Variants in CCDC68 observed in about 807,000 individuals in gnomAD.
CCDC68 encodes coiled-coil domain-containing protein 68.
A neutral mutation model predicts 47.1 loss-of-function variants in CCDC68; 45 were observed. The observed-to-expected ratio is 0.96, with a 90% CI of 0.75 to 1.23. The LOEUF (loss-of-function observed/expected upper bound fraction) is 1.23, where lower values mean the gene tolerates loss of function less well. Ranked by LOEUF, CCDC68 falls within the 50% of genes most tolerant of loss-of-function variation. CCDC68 has a pLI of 0.00. For missense variants in CCDC68, 353 were observed against 373.6 expected (o/e 0.94, Z 0.45); for synonymous variants, 131 against 129.5 (o/e 1.01, Z -0.08).
intron 6 of CCDC68, 111 bp downstream of exon 6, chr18:54,936,722 G>A (rs993952061): frequency 7.5e-7 from 1 of 1,339,224 alleles, no homozygotes; most frequent in Non-Finnish European, 1.0e-6. Context: ...CAAGTCTTTT[G>A]CCAAGTCACT....
chr18:54,957,189 T>G (rs2145682068), intron 1 of CCDC68, among the ~76,000 whole-genome samples: 1 of 152,340 alleles, frequency 6.6e-6, no homozygotes, highest in African/African-American at 2.4e-5. Context: ...TTTCATAACA[T>G]TAAGCCTGGA....
chr18:54,948,903 T>C (rs1401963691), intron 1 of CCDC68, among the ~76,000 whole-genome samples: 1 of 152,216 alleles, frequency 6.6e-6, no homozygotes, highest in Non-Finnish European at 1.5e-5. Context: ...GTGCAAGCCA[T>C]GTGGCTCTCT....
intron 8 of CCDC68, among the ~76,000 whole-genome samples, chr18:54,920,935 G>T (rs956555522): frequency 9.2e-5 from 14 of 152,214 alleles, no homozygotes; most frequent in African/African-American, 3.1e-4. Context: ...CAAAGACATA[G>T]AAACAACCTA....
At chr18:54,915,748 G>A (rs1854120059) in intron 10 of CCDC68, among the ~76,000 whole-genome samples, 1 of 152,064 alleles carries the variant, frequency 6.6e-6, no homozygotes, top group South Asian at 2.1e-4. Context: ...GGCCAACATG[G>A]TGAAACCCCG....
chr18:54,928,066 T>A (rs1378815602), intron 8 of CCDC68, among the ~76,000 whole-genome samples: 1 of 152,256 alleles, frequency 6.6e-6, no homozygotes, highest in Admixed American at 6.5e-5. Context: ...GAAATCGATT[T>A]GACTTTGAAC....
chr18:54,926,615 G>A (rs946372036), intron 8 of CCDC68, among the ~76,000 whole-genome samples: 2 of 152,162 alleles, frequency 1.3e-5, no homozygotes, highest in Non-Finnish European at 2.9e-5. Context: ...ATATTTGTTC[G>A]TGATGTGGCA....
intron 10 of CCDC68, among the ~76,000 whole-genome samples, chr18:54,908,083 A>T (rs1295833059): frequency 6.6e-6 from 1 of 152,222 alleles, no homozygotes; most frequent in Non-Finnish European, 1.5e-5. Flanking sequence ...AAGGGACTAA[A>T]ATAGAGTATT....
intron 8 of CCDC68, among the ~76,000 whole-genome samples, chr18:54,927,680 A>G (rs2044168557): frequency 6.6e-6 from 1 of 152,266 alleles, no homozygotes; most frequent in Admixed American, 6.5e-5. Context: ...GTGTTATAAA[A>G]CTATCTTAGA....
At chr18:54,948,689 GT>G (rs780296972) in intron 1 of CCDC68, among the ~76,000 whole-genome samples, 5 of 152,202 alleles carry the variant, frequency 3.3e-5, no homozygotes, top group Non-Finnish European at 7.3e-5. Context: ...AAAGACCCTA[GT>G]TTCGTAGGAT....
At chr18:54,946,574 A>G (rs139654692) in intron 1 of CCDC68, among the ~76,000 whole-genome samples, 82 of 152,342 alleles carry the variant, frequency 5.4e-4, no homozygotes, top group African/African-American at 1.9e-3. Context: ...CTTTAGAATG[A>G]ATCCCACTGC....
chr18:54,913,424 A>T (rs763183544), intron 10 of CCDC68, among the ~76,000 whole-genome samples: 1 of 152,206 alleles, frequency 6.6e-6, no homozygotes, highest in Non-Finnish European at 1.5e-5. Context: ...TTAAATTTGC[A>T]GTGCAAGACA....
In CCDC68 at chr18:54,901,899, T is replaced by C. The variant is rs1294365512; in HGVS notation, c.*2459A>G. On this transcript the variant is annotated 3_prime_UTR_variant, in exon 12 of 12. Coordinates refer to ENST00000591504, the MANE Select transcript of CCDC68 (RefSeq NM_025214.3). ...TTTTCACTGAGAAGTGTTTTTTTTT[T>C]CATAAAAAAATATTTCAAATGATAA... 2.7e-5 allele frequency: 4 copies of C among 150,890 alleles called. No individual in the cohort carries two copies. Among genetic ancestry groups the C allele is most frequent in the East Asian group, 2.0e-4 (1 of 5,112 alleles). 9.3% of individuals were successfully genotyped at this position (150,890 alleles called of 1,614,324 possible). A position where few individuals can be genotyped will look rare whatever the true frequency, so the allele number is the denominator to read the frequency against.
chr18:54,925,178 C>T (rs1323463778), intron 8 of CCDC68, among the ~76,000 whole-genome samples: 2 of 152,128 alleles, frequency 1.3e-5, no homozygotes, highest in Non-Finnish European at 2.9e-5. Context: ...GAAACTGAGT[C>T]AGTGATCCCC....
chr18:54,954,799 A>G (rs1436783029), intron 1 of CCDC68: 1 of 152,172 alleles, frequency 6.6e-6, no homozygotes, highest in African/African-American at 2.4e-5. Flanking sequence ...ACAAAGGTGT[A>G]TTACCAAACA....
rs184856799 is a variant in CCDC68, at chr18:54,906,777, T to C, written c.950+1009A>G. On this transcript the variant is annotated intron_variant, in intron 11 of 11. Transcript: ENST00000591504. Reference sequence around the variant, plus strand: ...CTGAGGCTTCATTTCTTTTATTTTCTAGAAGTTGCAGGGCTAGTGGCCAAA... The same window carrying C: ...CTGAGGCTTCATTTCTTTTATTTTCCAGAAGTTGCAGGGCTAGTGGCCAAA... Among the ~76,000 whole-genome samples the C allele has an allele frequency of 3.6e-3, 541 of 152,338 alleles. 2 individuals carry two copies. Among genetic ancestry groups the C allele is most frequent in the Non-Finnish European group, 5.4e-3 (367 of 68,032 alleles).
chr18:54,910,143 G>A (rs941380882), intron 10 of CCDC68, among the ~76,000 whole-genome samples: 1 of 152,346 alleles, frequency 6.6e-6, no homozygotes, highest in Admixed American at 6.5e-5. Flanking sequence ...GTCCTGACAA[G>A]TGTCCAGCTC....
chr18:54,937,758 A>C, intron 5 of CCDC68, 199 bp downstream of exon 5: 1 of 427,590 alleles, frequency 2.3e-6, no homozygotes, highest in Non-Finnish European at 4.2e-6. Context: ...ATTTTCAATA[A>C]CAAAAGAAGC....
intron 7 of CCDC68, among the ~76,000 whole-genome samples, chr18:54,929,208 C>G (rs144292259): frequency 2.0e-4 from 31 of 152,346 alleles, no homozygotes; most frequent in Middle Eastern, 6.8e-3. Context: ...TCCTGCCCAT[C>G]TCTCGCTAGA....
chr18:54,957,763 C>A (rs1427224908), intron 1 of CCDC68, among the ~76,000 whole-genome samples: 1 of 151,904 alleles, frequency 6.6e-6, no homozygotes, highest in East Asian at 1.9e-4. Flanking sequence ...GAAATGTTTT[C>A]AATCAATAAA....
Sources: gnomAD v4.1 joint callset for allele counts (sites outside exome capture counted in the v4.1 genomes callset) on GRCh38, gnomAD v4.1.1 for gene constraint, MANE v1.5 for transcripts, NCBI Gene and HGNC (gene_info 2026-07-23, HGNC 2026-07-21) for gene names.